Variants in PRKCE observed in about 807,000 individuals in gnomAD.
PRKCE encodes protein kinase C epsilon, also known as protein kinase C epsilon type.
PRKCE carries 16 observed loss-of-function variants against 85.4 expected under a neutral mutation model. That is an observed-to-expected ratio of 0.19 (90% CI 0.13 to 0.28). PRKCE has a LOEUF of 0.28. Ranked by LOEUF, PRKCE falls within the 10% of genes least tolerant of loss-of-function variation. PRKCE has a pLI of 1.00. For missense variants in PRKCE, 573 were observed against 975.2 expected, an observed-to-expected ratio of 0.59 and a Z score of 5.49; for synonymous variants, 388 against 371.5, an observed-to-expected ratio of 1.04 and a Z score of -0.51.
chr2:45,713,895 A>G (rs115674086), intron 1 of PRKCE, among the ~76,000 whole-genome samples: 127 of 152,354 alleles, frequency 8.3e-4, no homozygotes, highest in African/African-American at 2.9e-3. Context: ...CTTTTATTCT[A>G]TAAAGCATTG....
chr2:45,653,514 G>A (rs1675242870), intron 1 of PRKCE, among the ~76,000 whole-genome samples: 2 of 151,286 alleles, frequency 1.3e-5, no homozygotes, highest in South Asian at 4.2e-4. Flanking sequence ...AGGGTTCTTT[G>A]GTCTACACAA....
chr2:45,980,255 T>C, intron 4 of PRKCE, 41 bp from the exon 5 acceptor site: 8 of 1,573,496 alleles, frequency 5.1e-6, no homozygotes, highest in Non-Finnish European at 6.9e-6. Flanking sequence ...ACACTCCCTT[T>C]CCTGAGTGTC....
chr2:46,064,295 A>G (rs985879336), intron 10 of PRKCE, among the ~76,000 whole-genome samples: 12 of 151,698 alleles, frequency 7.9e-5, no homozygotes, highest in African/African-American at 2.9e-4. Flanking sequence ...AAAAAAAAAA[A>G]AAAAAAAGAA....
chr2:46,024,443 G>A (rs997383553), intron 10 of PRKCE, among the ~76,000 whole-genome samples: 3 of 152,072 alleles, frequency 2.0e-5, no homozygotes, highest in East Asian at 1.9e-4. Flanking sequence ...CTCTCAGTCC[G>A]CCTCCTTAGT....
intron 1 of PRKCE, among the ~76,000 whole-genome samples, chr2:45,692,069 T>C (rs1213710747): frequency 6.6e-6 from 1 of 152,160 alleles, no homozygotes; most frequent in African/African-American, 2.4e-5. Flanking sequence ...AGTTTCTTGG[T>C]GTGGATGGTT....
At chr2:45,745,728 GAT>G (rs1216046995) in intron 1 of PRKCE, among the ~76,000 whole-genome samples, 3 of 152,172 alleles carry the variant, frequency 2.0e-5, no homozygotes, top group Admixed American at 1.3e-4. Context: ...CACCGATAGG[GAT>G]AATACGTGTG....
At position 45,980,341 on chromosome 2, in the gene PRKCE, C is replaced by G; in HGVS notation, c.653C>G (p.Thr218Arg). Residue 218 changes from threonine to arginine, a missense_variant, in exon 5 of 15, where the codon ACA (threonine) becomes AGA (arginine). Physicochemically the swap from Thr to Arg is moderately conservative, Grantham distance 71 (BLOSUM62 -1). Transcript: ENST00000306156. ...AAGCGGTGCCACGAGCTCATAATCA[C>G]AAAGTGTGCTGGGTTAAAGAAGCAG... ...VHKRCHELII[T>R]KCAGLKKQET... is the part of the protein sequence containing the mutation. The G allele has an allele frequency of 6.3e-7, 1 of 1,599,694 alleles. No individual in the cohort carries two copies. Among genetic ancestry groups the G allele is most frequent in the Non-Finnish European group, 8.5e-7 (1 of 1,179,948 alleles).
At chr2:45,703,125 AT>A (rs33988258) in intron 1 of PRKCE, among the ~76,000 whole-genome samples, 30,922 of 150,450 alleles carry the variant, frequency 0.21, 3,332 homozygotes, top group African/African-American at 0.23. Flanking sequence ...TGTTTTATTT[AT>A]TTTTTTTTTT....
At chr2:45,731,617 ATTTTTTTTTTTT>A (rs11329717) in intron 1 of PRKCE, among the ~76,000 whole-genome samples, 5 of 108,586 alleles carry the variant, frequency 4.6e-5, no homozygotes, top group African/African-American at 1.4e-4. Flanking sequence ...AATTCCTGGA[ATTTTTTTTTTTT>A]TTTTTTTTTT....
intron 11 of PRKCE, among the ~76,000 whole-genome samples, chr2:46,089,636 C>T (rs1669971662): frequency 6.6e-6 from 1 of 152,304 alleles, no homozygotes. Context: ...TAGTTTGGGC[C>T]CAGCAGAAGT....
At chr2:46,053,137 T>C (rs563885661) in intron 10 of PRKCE, among the ~76,000 whole-genome samples, 4 of 152,188 alleles carry the variant, frequency 2.6e-5, no homozygotes, top group Non-Finnish European at 5.9e-5. Context: ...AATAACTGAA[T>C]GTGAGAGAGA....
At chr2:45,826,004 G>A (rs12712949) in intron 1 of PRKCE, among the ~76,000 whole-genome samples, 91,350 of 152,026 alleles carry the variant, frequency 0.6, 28,064 homozygotes, top group African/African-American at 0.72. Context: ...AACAGAAGCA[G>A]GGCTTTTATA....
intron 1 of PRKCE, among the ~76,000 whole-genome samples, chr2:45,656,779 C>T (rs2103706799): frequency 1.3e-5 from 2 of 152,324 alleles, no homozygotes; most frequent in African/African-American, 4.8e-5. Flanking sequence ...ACCAGGCTTG[C>T]TTTGAGAAAC....
In PRKCE at chr2:45,725,614, C is replaced by T. The variant is rs113211280; in HGVS notation, c.348+73166C>T. Among the ~76,000 whole-genome samples the T allele has an allele frequency of 5.8e-3, 885 of 152,144 alleles. 12 individuals are homozygous for T. The highest frequency in any genetic ancestry group is 0.02 in the African/African-American group (828 of 41,484). ...TTGGGAGACCGAGGCGGGCAGATCA[C>T]GAGGTCAAGAGATCGAGACCATCCT... On this transcript the variant is annotated intron_variant, in intron 1 of 14. Coordinates refer to ENST00000306156, the MANE Select transcript of PRKCE (RefSeq NM_005400.3).
At chr2:45,853,112 C>T (rs752002393) in intron 2 of PRKCE, among the ~76,000 whole-genome samples, 2 of 152,200 alleles carry the variant, frequency 1.3e-5, no homozygotes, top group Non-Finnish European at 2.9e-5. Context: ...CTTAGTCCTT[C>T]TCAAAATCAA....
chr2:45,803,611 C>T (rs1267525906), intron 1 of PRKCE, among the ~76,000 whole-genome samples: 4 of 152,166 alleles, frequency 2.6e-5, no homozygotes, highest in African/African-American at 9.7e-5. Flanking sequence ...CTTTGGTCCC[C>T]AGCTGTAGGT....
At position 46,010,531 on chromosome 2, in the gene PRKCE, A is replaced by G; in HGVS notation, c.1437+14A>G. 1 of 1,598,658 alleles carries G rather than the reference A, an allele frequency of 6.3e-7. No homozygotes were observed. Among genetic ancestry groups the G allele is most frequent in the Non-Finnish European group, 8.5e-7 (1 of 1,179,056 alleles). ...TTCCAGACCAAGGTATGTTAGGAAG[A>G]AGCTGGCTGGCTGCCATGTTGGGGC... On this transcript the variant is annotated intron_variant, in intron 10 of 14. Coordinates refer to ENST00000306156, the MANE Select transcript of PRKCE (RefSeq NM_005400.3).
At chr2:45,876,938 C>G (rs1224939273) in intron 2 of PRKCE, among the ~76,000 whole-genome samples, 1 of 152,100 alleles carries the variant, frequency 6.6e-6, no homozygotes, top group Admixed American at 6.5e-5. Flanking sequence ...TCTTCATTTA[C>G]TAGTTTGAAA....
chr2:45,881,152 C>CAAAA (rs770824515), intron 2 of PRKCE, among the ~76,000 whole-genome samples: 20 of 91,402 alleles, frequency 2.2e-4, no homozygotes, highest in African/African-American at 7.0e-4. Flanking sequence ...GACTCCGTCT[C>CAAAA]AAAAAAAAAA....
Sources: allele counts gnomAD v4.1 joint callset (sites outside exome capture counted in the v4.1 genomes callset), GRCh38; gene constraint gnomAD v4.1.1; transcripts MANE v1.5; gene names NCBI Gene and HGNC (gene_info 2026-07-23, HGNC 2026-07-21).